Variants in DGKH observed in about 807,000 individuals in gnomAD.
DGKH encodes the protein DAG kinase eta.
DGKH carries 90 observed loss-of-function variants against 159.3 expected under a neutral mutation model. The observed-to-expected ratio is 0.57, with a 90% CI of 0.48 to 0.67. DGKH has a LOEUF of 0.67. Among genes scored for constraint, DGKH ranks in the 30% least tolerant of loss-of-function variants. The pLI is 0.00. For missense variants in DGKH, 1,181 were observed against 1,506.1 expected, an observed-to-expected ratio of 0.78 and a Z score of 3.57; for synonymous variants, 536 against 553.8, an observed-to-expected ratio of 0.97 and a Z score of 0.45.
chr13:42,221,060 T>G, intron 28 of DGKH: 1 of 567,804 alleles, frequency 1.8e-6, no homozygotes. Context: ...AGCAAATGGT[T>G]TTGTATAGTC....
intron 21 of DGKH, among the ~76,000 whole-genome samples, chr13:42,207,911 A>G (rs150261208): frequency 1.3e-5 from 2 of 151,998 alleles, no homozygotes; most frequent in African/African-American, 4.8e-5. Context: ...TTCCAGTCCT[A>G]TTCGAGTATA....
intron 3 of DGKH, among the ~76,000 whole-genome samples, chr13:42,152,669 G>A (rs1421207653): frequency 7.9e-6 from 1 of 126,204 alleles, no homozygotes; most frequent in African/African-American, 2.5e-5. Flanking sequence ...TATTCTTGAT[G>A]GTTTCACTAT....
At chr13:42,243,873 G>A (rs1958554619), downstream of DGKH, among the ~76,000 whole-genome samples, 1 of 152,180 alleles carries the variant, frequency 6.6e-6, no homozygotes. Context: ...TTCTGTTGGT[G>A]GGATTGACGT....
chr13:42,198,541 C>T lies in DGKH; in HGVS notation c.2231C>T (p.Ala744Val). The stretch of plus-strand genomic sequence containing the variant: ...TCGATTATCAACAAAATGTTACTGG[C>T]AAACATTGATCCTTTTGGTGCCACG... ...GSSIINKMLL[A>V]NIDPFGATPF... The change falls in exon 18 of 30, where the codon GCA (alanine) becomes GTA (valine). Residue 744 changes from alanine to valine, a missense_variant. Transcript: ENST00000337343. 1 of 1,613,656 alleles carries T rather than the reference C, an allele frequency of 6.2e-7. No individual in the cohort carries two copies. The highest frequency in any genetic ancestry group is 8.5e-7 in the Non-Finnish European group (1 of 1,179,828).
chr13:42,172,121 C>T (rs1322753498), intron 11 of DGKH, among the ~76,000 whole-genome samples: 1 of 149,650 alleles, frequency 6.7e-6, no homozygotes, highest in African/African-American at 2.5e-5. Flanking sequence ...AGCCACCACA[C>T]CCAGCCTCTT....
intron 1 of DGKH, among the ~76,000 whole-genome samples, chr13:42,116,632 G>A (rs925970567): frequency 3.3e-5 from 5 of 152,308 alleles, no homozygotes; most frequent in South Asian, 4.1e-4. Context: ...TTTACAAAAG[G>A]CTCATCGAAG....
chr13:42,055,618 G>C (rs1361757843), intron 1 of DGKH, among the ~76,000 whole-genome samples: 1 of 152,168 alleles, frequency 6.6e-6, no homozygotes, highest in Non-Finnish European at 1.5e-5. Context: ...AAAGGACGTG[G>C]GGCCCCGTTC....
downstream of DGKH, among the ~76,000 whole-genome samples, chr13:42,247,333 C>A (rs1258721182): frequency 6.7e-6 from 1 of 150,342 alleles, no homozygotes; most frequent in Non-Finnish European, 1.5e-5. Flanking sequence ...TGGGTTCAAG[C>A]AATCCTCCTG....
intron 3 of DGKH, among the ~76,000 whole-genome samples, chr13:42,141,335 A>G (rs1190041530): frequency 6.6e-6 from 1 of 151,928 alleles, no homozygotes; most frequent in Non-Finnish European, 1.5e-5. Flanking sequence ...CAAGTCTGCT[A>G]TTGTGAATAG....
At chr13:42,247,101 CCTA>C (rs1255030654), downstream of DGKH, among the ~76,000 whole-genome samples, 2 of 152,150 alleles carry the variant, frequency 1.3e-5, no homozygotes, top group African/African-American at 4.8e-5. Flanking sequence ...TGTAAACAAA[CCTA>C]CTCTGCTGCC....
intron 7 of DGKH, among the ~76,000 whole-genome samples, chr13:42,160,429 C>T (rs775731863): frequency 3.9e-5 from 6 of 152,138 alleles, no homozygotes; most frequent in East Asian, 1.9e-4. Flanking sequence ...TTGCTGTATT[C>T]AGGCCTATTT....
downstream of DGKH, among the ~76,000 whole-genome samples, chr13:42,247,873 A>G (rs529322901): frequency 5.2e-5 from 8 of 152,382 alleles, no homozygotes; most frequent in African/African-American, 1.9e-4. Flanking sequence ...TTGTATAACT[A>G]TATGTTTGTG....
intron 12 of DGKH, among the ~76,000 whole-genome samples, 161 bp downstream of exon 12, chr13:42,174,305 T>TC (rs1956546812): frequency 6.6e-6 from 1 of 152,096 alleles, no homozygotes; most frequent in Non-Finnish European, 1.5e-5. Context: ...TCTAGTCCTC[T>TC]CCCCCAGAGA....
intron 1 of DGKH, among the ~76,000 whole-genome samples, chr13:42,093,867 G>A (rs1198509771): frequency 6.6e-6 from 1 of 152,112 alleles, no homozygotes; most frequent in African/African-American, 2.4e-5. Flanking sequence ...GCGGGGGAGT[G>A]GGGAGTTGTT....
chr13:42,129,481 G>C (rs1955243388), intron 2 of DGKH, 71 bp from the exon 3 acceptor site: 1 of 1,287,846 alleles, frequency 7.8e-7, no homozygotes, highest in Non-Finnish European at 1.1e-6. Context: ...TTCCTGTATT[G>C]AAAAAATGTA....
intron 3 of DGKH, among the ~76,000 whole-genome samples, chr13:42,151,531 GTATATATATATA>G (rs146776372): frequency 7.1e-5 from 7 of 98,092 alleles, no homozygotes; most frequent in African/African-American, 2.5e-4. Context: ...ATATACACGT[GTATATATATATA>G]TACACGTGTA....
chr13:42,224,913 T>C (rs1958082204), intron 29 of DGKH, among the ~76,000 whole-genome samples: 1 of 151,624 alleles, frequency 6.6e-6, no homozygotes, highest in Non-Finnish European at 1.5e-5. Context: ...AATATATATA[T>C]ATATACATAT....
chr13:42,070,412 ACAGT>A (rs1420236982), intron 1 of DGKH: 24 of 1,372,570 alleles, frequency 1.7e-5, no homozygotes, highest in East Asian at 4.6e-5. Context: ...GTTTTACAAA[ACAGT>A]CAGCATTTCA....
At chr13:42,058,142 T>C (rs1881892462) in intron 1 of DGKH, among the ~76,000 whole-genome samples, 1 of 152,176 alleles carries the variant, frequency 6.6e-6, no homozygotes, top group Non-Finnish European at 1.5e-5. Flanking sequence ...GAAAGGGAAC[T>C]GCAGGTCAGA....
Sources: gnomAD v4.1 joint callset for allele counts (sites outside exome capture counted in the v4.1 genomes callset) on GRCh38, gnomAD v4.1.1 for gene constraint, MANE v1.5 for transcripts, NCBI Gene and HGNC (gene_info 2026-07-23, HGNC 2026-07-21) for gene names.